Variants in RANBP2 observed in about 807,000 individuals in gnomAD.
RANBP2 encodes the protein E3 SUMO-protein ligase RanBP2.
In RANBP2, 57 loss-of-function variants were observed where a neutral mutation model predicts 303.6. That is an observed-to-expected ratio of 0.19 (90% CI 0.15 to 0.23). The LOEUF is 0.23. Among genes scored for constraint, RANBP2 ranks in the 10% least tolerant of loss-of-function variants. The probability of loss-of-function intolerance (pLI) is 1.00; values close to 1 mark genes in which losing one functional copy is unlikely to be tolerated. For synonymous variants in RANBP2, 1,167 were observed against 1,301.5 expected, an observed-to-expected ratio of 0.90 and a Z score of 2.23; for missense variants, 3,138 against 3,780.8, an observed-to-expected ratio of 0.83 and a Z score of 4.46.
At chr2:108,748,742 G>C (rs866092118) in intron 8 of RANBP2, among the ~76,000 whole-genome samples, 178 bp from the exon 9 acceptor site, 1 of 151,982 alleles carries the variant, frequency 6.6e-6, no homozygotes, top group South Asian at 2.1e-4. Flanking sequence ...TATTAAACCT[G>C]TACTCTTCTC....
the RANBP2 span, among the ~76,000 whole-genome samples, chr2:108,974,081 G>A: frequency 1.3e-5 from 2 of 152,052 alleles, no homozygotes; most frequent in Non-Finnish European, 2.9e-5. Flanking sequence ...TGTAATCCCA[G>A]CACTTTGGGA....
the RANBP2 span, among the ~76,000 whole-genome samples, chr2:109,565,475 T>C: frequency 2.0e-5 from 3 of 152,204 alleles, no homozygotes; most frequent in East Asian, 5.8e-4. Context: ...TAATTAGTGA[T>C]GTTTTATGTC....
chr2:109,424,748 G>T, the RANBP2 span, among the ~76,000 whole-genome samples: 1 of 152,104 alleles, frequency 6.6e-6, no homozygotes, highest in Non-Finnish European at 1.5e-5. Flanking sequence ...CGGCTCCACG[G>T]ACCCACCGTT....
At chr2:109,459,296 T>C in the RANBP2 span, among the ~76,000 whole-genome samples, 2 of 152,144 alleles carry the variant, frequency 1.3e-5, no homozygotes, top group African/African-American at 4.8e-5. Flanking sequence ...GTTACAATCC[T>C]CATTTCTGTA....
chr2:108,965,144 A>AT, the RANBP2 span, among the ~76,000 whole-genome samples: 11 of 152,188 alleles, frequency 7.2e-5, no homozygotes, highest in African/African-American at 2.4e-4. Flanking sequence ...ACTGGTATTT[A>AT]TTTTTTGAGT....
chr2:108,751,814 G>T (rs1573769711), intron 11 of RANBP2, 57 bp from the exon 12 acceptor site: 3 of 1,611,974 alleles, frequency 1.9e-6, no homozygotes, highest in Non-Finnish European at 2.5e-6. Context: ...ATATATGTAT[G>T]TAAGCCCTGA....
At chr2:108,876,848 A>G in the RANBP2 span, among the ~76,000 whole-genome samples, 1 of 152,232 alleles carries the variant, frequency 6.6e-6, no homozygotes. Context: ...TTTTTTAAAC[A>G]TTGAAAGGTA....
chr2:109,124,016 ATTTATTAT>A, the RANBP2 span, among the ~76,000 whole-genome samples: 1 of 142,466 alleles, frequency 7.0e-6, no homozygotes, highest in African/African-American at 2.8e-5. Context: ...TTATTTATTT[ATTTATTAT>A]TTTTTTGACA....
At chr2:109,319,714 G>A in the RANBP2 span, among the ~76,000 whole-genome samples, 1 of 152,216 alleles carries the variant, frequency 6.6e-6, no homozygotes, top group Non-Finnish European at 1.5e-5. Flanking sequence ...GGAGCCAAAT[G>A]GTGTGGGCAG....
chr2:109,550,448 A>G, the RANBP2 span, among the ~76,000 whole-genome samples: 1 of 151,040 alleles, frequency 6.6e-6, no homozygotes, highest in East Asian at 2.0e-4. Context: ...GAGTAGCTGG[A>G]ATTATAGGCA....
chr2:109,404,677 G>GC, the RANBP2 span, among the ~76,000 whole-genome samples: 3 of 152,212 alleles, frequency 2.0e-5, no homozygotes, highest in Admixed American at 2.0e-4. Context: ...CCCACCGGGT[G>GC]CCCCCTCCCA....
the RANBP2 span, among the ~76,000 whole-genome samples, chr2:109,507,596 G>T: frequency 2.0e-5 from 3 of 152,184 alleles, no homozygotes; most frequent in African/African-American, 7.2e-5. Context: ...CCAGCCTGTG[G>T]CTCCAGAACT....
the RANBP2 span, among the ~76,000 whole-genome samples, chr2:109,080,222 C>T: frequency 6.6e-6 from 1 of 152,054 alleles, no homozygotes; most frequent in East Asian, 1.9e-4. Context: ...ACAACCACTC[C>T]CACAATTCTG....
the RANBP2 span, among the ~76,000 whole-genome samples, chr2:109,176,812 CT>C: frequency 2.2e-4 from 34 of 152,316 alleles, no homozygotes; most frequent in Non-Finnish European, 7.4e-5. Flanking sequence ...CAGCCGTGAA[CT>C]TTATCTTATG....
the RANBP2 span, chr2:108,930,999 C>T: frequency 6.2e-7 from 1 of 1,613,978 alleles, no homozygotes; most frequent in Non-Finnish European, 8.5e-7. Flanking sequence ...TGCGTGCAGT[C>T]CCCCACATGG....
the RANBP2 span, among the ~76,000 whole-genome samples, chr2:109,220,536 A>G: frequency 0.053 from 8,003 of 152,332 alleles, 644 homozygotes; most frequent in African/African-American, 0.17. Context: ...TTTAGTAAAT[A>G]ATGAATATCT....
the RANBP2 span, among the ~76,000 whole-genome samples, chr2:109,291,596 G>A: frequency 1.3e-5 from 2 of 152,236 alleles, no homozygotes; most frequent in African/African-American, 4.8e-5. Context: ...GATCTGCTGA[G>A]CCCAGGCAGC....
chr2:108,747,233 G>A lies in RANBP2; in HGVS notation c.1063+435G>A, dbSNP rs571650806. On this transcript the variant is annotated intron_variant, in intron 8 of 28. Coordinates refer to ENST00000283195, the MANE Select transcript of RANBP2 (RefSeq NM_006267.5). ...GAAGATATATACTTACCTTATATTAGGCTCTTGGAATTTGTGGATTTTTTC... is the reference window on the plus strand; with the variant it reads ...GAAGATATATACTTACCTTATATTAAGCTCTTGGAATTTGTGGATTTTTTC... Among the ~76,000 whole-genome samples, 9 of 152,320 alleles carry A rather than the reference G, an allele frequency of 5.9e-5. No individual in the cohort carries two copies. In the East Asian group the frequency reaches 1.5e-3, roughly 26 times the overall value.
At chr2:109,533,203 C>A in the RANBP2 span, among the ~76,000 whole-genome samples, 1 of 152,166 alleles carries the variant, frequency 6.6e-6, no homozygotes, top group Non-Finnish European at 1.5e-5. Flanking sequence ...AATCCATATA[C>A]CAATGTATAC....
Sources: gnomAD v4.1 joint callset for allele counts (sites outside exome capture counted in the v4.1 genomes callset) on GRCh38, gnomAD v4.1.1 for gene constraint, MANE v1.5 for transcripts, NCBI Gene and HGNC (gene_info 2026-07-23, HGNC 2026-07-21) for gene names.